The following TRABD2A variants were observed in gnomAD, a reference collection of about 807,000 sequenced individuals.
The protein encoded by TRABD2A is TraB domain containing 2A, also known as metalloprotease TIKI1.
TRABD2A carries 43 observed loss-of-function variants against 45.6 expected under a neutral mutation model. The observed-to-expected ratio is 0.94, with a 90% CI of 0.74 to 1.22. The LOEUF is 1.22. Ranked by LOEUF, TRABD2A falls within the 50% of genes most tolerant of loss-of-function variation. The probability of loss-of-function intolerance (pLI) is 0.00; values close to 1 mark genes in which losing one functional copy is unlikely to be tolerated. For missense variants in TRABD2A, 642 were observed against 652.4 expected (o/e 0.98, Z 0.17); for synonymous variants, 269 against 265.0 (o/e 1.02, Z -0.15).
rs552776434 is a variant in TRABD2A at position 84,859,948 on chromosome 2, A to AT, written c.669+10276dup. ...TCGGTCTCATTTATTTTTTGGAGAG[A>AT]TGGGGGGGGGTCTCACTATGTTGTC... On this transcript the variant is annotated intron_variant, in intron 2 of 6. Transcript: ENST00000409520. Among the ~76,000 whole-genome samples, 148 of 146,822 alleles carry AT rather than the reference A, an allele frequency of 1.0e-3. 1 individual carries two copies. Among genetic ancestry groups the AT allele is most frequent in the African/African-American group, 3.7e-3 (139 of 37,250 alleles).
intron 1 of TRABD2A, among the ~76,000 whole-genome samples, chr2:84,878,988 T>A (rs2105417413): frequency 6.6e-6 from 1 of 152,266 alleles, no homozygotes; most frequent in African/African-American, 2.4e-5. Context: ...GTCTATAAGG[T>A]CAAAACTGTT....
chr2:84,880,565 A>C (rs1166408011), intron 1 of TRABD2A, among the ~76,000 whole-genome samples: 4 of 152,232 alleles, frequency 2.6e-5, no homozygotes, highest in Non-Finnish European at 4.4e-5. Context: ...TAAGGAAGAG[A>C]GGGAAGAAGA....
At chr2:84,876,013 A>G (rs564917670) in intron 1 of TRABD2A, among the ~76,000 whole-genome samples, 26 of 151,224 alleles carry the variant, frequency 1.7e-4, no homozygotes, top group Middle Eastern at 3.4e-3. Flanking sequence ...AAAAAAAAAA[A>G]GGAAAGAAAA....
chr2:84,845,537 G>GC, intron 2 of TRABD2A, among the ~76,000 whole-genome samples: 1 of 151,516 alleles, frequency 6.6e-6, no homozygotes, highest in East Asian at 1.9e-4. Flanking sequence ...GGACCAGAAG[G>GC]CCTGGGAACA....
At chr2:84,851,344 C>G (rs916909382) in intron 2 of TRABD2A, among the ~76,000 whole-genome samples, 22 of 152,256 alleles carry the variant, frequency 1.4e-4, no homozygotes, top group African/African-American at 5.1e-4. Context: ...TGGAAGGACC[C>G]AGAAAAAAAT....
rs140216491 is a variant in TRABD2A, at chr2:84,871,894, C to T, written c.109-1109G>A. On this transcript the variant is annotated intron_variant, in intron 1 of 6. Transcript: ENST00000409520. ...ACAGTTTGCTCTTGTCCCTTTAGGA[C>T]GTGGATCACACTTATTTCTCTCACA... Among the ~76,000 whole-genome samples, 557 of 152,286 alleles carry T rather than the reference C, an allele frequency of 3.7e-3. 3 individuals are homozygous for T. The highest frequency in any genetic ancestry group is 0.013 in the African/African-American group (538 of 41,566).
In TRABD2A at chr2:84,830,147, G is replaced by A. The variant is rs1681284747; in HGVS notation, c.1082+1908C>T. On this transcript the variant is annotated intron_variant, in intron 5 of 6. Coordinates refer to ENST00000409520, the MANE Select transcript of TRABD2A (RefSeq NM_001277053.2). This position sits in a 1 kb window ranked among gnomAD's most constrained non-coding sequence, Gnocchi z 4.9. ...GAGAAGGGACCAGAGGCCAGTGAGG[G>A]AGGAAAGACCCACAGTCCTGCAGGG... is the stretch of plus-strand genomic sequence containing the variant. Among the ~76,000 whole-genome samples, 1 of 152,176 alleles carries A rather than the reference G, an allele frequency of 6.6e-6. No homozygotes were observed. Among genetic ancestry groups the A allele is most frequent in the South Asian group, 2.1e-4 (1 of 4,820 alleles).
chr2:84,822,211 G>A, intron 6 of TRABD2A, 111 bp from the exon 7 acceptor site: 1 of 902,144 alleles, frequency 1.1e-6, no homozygotes, highest in Non-Finnish European at 1.6e-6. Context: ...CTTATAGACA[G>A]GAATGGGTAT....
At chr2:84,880,856 T>G in intron 1 of TRABD2A, 76 bp downstream of exon 1, 1 of 1,539,240 alleles carries the variant, frequency 6.5e-7, no homozygotes, top group Non-Finnish European at 8.8e-7. Flanking sequence ...AAAGCGCTGC[T>G]TCGCGGGGTT....
rs1256638388 is a variant in TRABD2A at position 84,832,079 on chromosome 2, G to C, written c.1058C>G (p.Ala353Gly). Residue 353 changes from alanine (A) to glycine (G), a missense_variant, in exon 5 of 7, where the codon GCC (alanine) becomes GGC (glycine). By Grantham distance (60) the Ala-to-Gly change is moderately conservative. Coordinates refer to ENST00000409520, the MANE Select transcript of TRABD2A (RefSeq NM_001277053.2). ...LRREGYEVEH[A>G]PAGRPIHKGK... ...CTTGTGGATGGGTCGTCCAGCAGGG[G>C]CGTGTTCTACCTCATAGCCTTCACG... 3 of 1,614,028 alleles carry C rather than the reference G, an allele frequency of 1.9e-6. No individual in the cohort carries two copies. Among genetic ancestry groups the C allele is most frequent in the Non-Finnish European group, 2.5e-6 (3 of 1,179,902 alleles).
intron 2 of TRABD2A, among the ~76,000 whole-genome samples, chr2:84,852,692 C>T (rs1682138440): frequency 6.6e-6 from 1 of 152,120 alleles, no homozygotes; most frequent in East Asian, 1.9e-4. Flanking sequence ...GTGACAACTG[C>T]AAAGATGACC....
At chr2:84,838,860 G>T (rs916100245) in intron 4 of TRABD2A, among the ~76,000 whole-genome samples, 2 of 152,194 alleles carry the variant, frequency 1.3e-5, no homozygotes, top group Non-Finnish European at 2.9e-5. Flanking sequence ...AAGAAGTTGG[G>T]ATTAAGTATG....
intron 2 of TRABD2A, among the ~76,000 whole-genome samples, chr2:84,866,865 G>T (rs1471793727): frequency 6.6e-6 from 1 of 152,078 alleles, no homozygotes; most frequent in African/African-American, 2.4e-5. Flanking sequence ...CAGGAAGATC[G>T]CTTGAGGCCA....
At chr2:84,838,860 G>A (rs916100245) in intron 4 of TRABD2A, among the ~76,000 whole-genome samples, 1 of 152,194 alleles carries the variant, frequency 6.6e-6, no homozygotes, top group African/African-American at 2.4e-5. Flanking sequence ...AAGAAGTTGG[G>A]ATTAAGTATG....
At chr2:84,873,438 T>C (rs549002184) in intron 1 of TRABD2A, among the ~76,000 whole-genome samples, 1 of 151,374 alleles carries the variant, frequency 6.6e-6, no homozygotes, top group East Asian at 1.9e-4. Flanking sequence ...AAAAAAAAAA[T>C]TAAAAACCAT....
intron 1 of TRABD2A, among the ~76,000 whole-genome samples, chr2:84,871,123 T>G (rs1232288120): frequency 6.6e-6 from 1 of 152,192 alleles, no homozygotes; most frequent in Admixed American, 6.5e-5. Flanking sequence ...CAAAAGGGGA[T>G]GGGACCCCCT....
Position 84,823,832 on chromosome 2 carries a change from G to C in TRABD2A, c.1334+121C>G, listed in dbSNP as rs534591854. The stretch of plus-strand genomic sequence containing the variant: ...ACAGAAAAAGGGTGCCTGGGGTCAT[G>C]AGGAAAGGGAAAGGTTGCTCCATGA... On this transcript the variant is annotated intron_variant, in intron 6 of 6. Transcript: ENST00000409520. 7.2e-6 allele frequency: 10 copies of C among 1,379,506 alleles called. No individual in the cohort carries two copies. In the East Asian group the frequency reaches 2.4e-4, roughly 34 times the overall value. 85.5% of individuals were successfully genotyped at this position (1,379,506 alleles called of 1,614,324 possible).
At chr2:84,863,889 A>G (rs1381289637) in intron 2 of TRABD2A, among the ~76,000 whole-genome samples, 1 of 152,112 alleles carries the variant, frequency 6.6e-6, no homozygotes, top group Non-Finnish European at 1.5e-5. Context: ...TATTTTTCCT[A>G]GGCCTTTATT....
chr2:84,853,967 C>G (rs1682183749), intron 2 of TRABD2A, among the ~76,000 whole-genome samples: 1 of 151,962 alleles, frequency 6.6e-6, no homozygotes, highest in African/African-American at 2.4e-5. Flanking sequence ...TTGCAGTGAG[C>G]AGAGATCGCC....
Sources: allele counts gnomAD v4.1 joint callset (sites outside exome capture counted in the v4.1 genomes callset), GRCh38; gene constraint gnomAD v4.1.1; non-coding constraint Gnocchi (gnomAD v3.1); transcripts MANE v1.5; gene names NCBI Gene and HGNC (gene_info 2026-07-23, HGNC 2026-07-21).